CSMD3: variants seen among roughly 807,000 people sequenced by gnomAD.
CSMD3 encodes CUB and Sushi multiple domains 3, also known as CUB and sushi domain-containing protein 3.
CSMD3 carries 177 observed loss-of-function variants against 435.2 expected under a neutral mutation model. The observed-to-expected ratio is 0.41, with a 90% CI of 0.36 to 0.46. CSMD3 has a LOEUF of 0.46. Ranked by LOEUF, CSMD3 falls within the 20% of genes least tolerant of loss-of-function variation. CSMD3 has a pLI of 0.34. For synonymous variants in CSMD3, 1,656 were observed against 1,520.5 expected (o/e 1.09, Z -2.07); for missense variants, 4,265 against 4,504.6 (o/e 0.95, Z 1.52).
Position 112,327,795 on chromosome 8 carries a change from A to G in CSMD3, c.7165+7534T>C, listed in dbSNP as rs542828952. Among the ~76,000 whole-genome samples the G allele has an allele frequency of 2.1e-4, 32 of 152,304 alleles. No individual in the cohort carries two copies. The South Asian group carries it at 6.2e-3, about 30-fold the overall frequency. ...GTTCTCTGTTTTTGTCCAAATGTGC[A>G]TAGATATCTGGTTCCTCGTCCAACA... On this transcript the variant is annotated intron_variant, in intron 45 of 70. Coordinates refer to ENST00000297405, the MANE Select transcript of CSMD3 (RefSeq NM_198123.2).
At chr8:112,839,459 T>A (rs1427638880) in intron 11 of CSMD3, among the ~76,000 whole-genome samples, 1 of 151,800 alleles carries the variant, frequency 6.6e-6, no homozygotes, top group Non-Finnish European at 1.5e-5. Flanking sequence ...CATGCTTAGC[T>A]ACTGGAGGAT....
intron 5 of CSMD3, among the ~76,000 whole-genome samples, chr8:113,069,200 G>C (rs2088993721): frequency 6.6e-6 from 1 of 151,996 alleles, no homozygotes; most frequent in African/African-American, 2.4e-5. Context: ...TTTTAAACTT[G>C]GCACACACAA....
At chr8:113,198,167 T>G (rs1180329392) in intron 3 of CSMD3, among the ~76,000 whole-genome samples, 1 of 151,458 alleles carries the variant, frequency 6.6e-6, no homozygotes, top group Non-Finnish European at 1.5e-5. Flanking sequence ...ATTCTAGCTT[T>G]GCTTTTTATT....
At chr8:112,300,974 G>A (rs1820868258) in intron 53 of CSMD3, among the ~76,000 whole-genome samples, 1 of 152,002 alleles carries the variant, frequency 6.6e-6, no homozygotes, top group African/African-American at 2.4e-5. Flanking sequence ...ATGATAATCA[G>A]CAATTTTTAA....
chr8:112,357,491 C>G (rs1826732631), intron 38 of CSMD3, among the ~76,000 whole-genome samples: 1 of 152,002 alleles, frequency 6.6e-6, no homozygotes, highest in Non-Finnish European at 1.5e-5. Flanking sequence ...TTTGCATAAG[C>G]AATGAGGAGT....
At chr8:112,243,847 T>C (rs1237467591) in intron 65 of CSMD3, among the ~76,000 whole-genome samples, 1 of 152,022 alleles carries the variant, frequency 6.6e-6, no homozygotes, top group Non-Finnish European at 1.5e-5. Flanking sequence ...AGGACTGGTA[T>C]CCTCATAAGA....
intron 6 of CSMD3, among the ~76,000 whole-genome samples, chr8:113,005,369 G>A (rs1420552796): frequency 1.3e-5 from 2 of 151,926 alleles, no homozygotes; most frequent in African/African-American, 2.4e-5. Flanking sequence ...TTCACAATAT[G>A]TAAACTATGT....
chr8:112,864,987 T>A (rs2080936104), intron 10 of CSMD3, among the ~76,000 whole-genome samples: 1 of 152,198 alleles, frequency 6.6e-6, no homozygotes, highest in African/African-American at 2.4e-5. Flanking sequence ...TACAGTCCTG[T>A]TTGTGGAATA....
intron 38 of CSMD3, among the ~76,000 whole-genome samples, chr8:112,370,585 C>G (rs569375581): frequency 6.6e-6 from 1 of 152,224 alleles, no homozygotes; most frequent in Non-Finnish European, 1.5e-5. Flanking sequence ...TTCCCTAAAG[C>G]AGTATCTTCA....
chr8:112,261,201 G>A (rs1249296662), intron 61 of CSMD3, among the ~76,000 whole-genome samples: 1 of 151,946 alleles, frequency 6.6e-6, no homozygotes, highest in Non-Finnish European at 1.5e-5. Context: ...ATGCCAAAGT[G>A]CACCTAATAG....
At chr8:113,110,710 C>T (rs960218290) in intron 4 of CSMD3, among the ~76,000 whole-genome samples, 2 of 152,138 alleles carry the variant, frequency 1.3e-5, no homozygotes, top group Admixed American at 1.3e-4. Flanking sequence ...CAGCATGTAC[C>T]TCAAAACCCT....
chr8:112,685,293 G>A (rs2075985279), intron 15 of CSMD3, 113 bp downstream of exon 15: 1 of 814,164 alleles, frequency 1.2e-6, no homozygotes, highest in African/African-American at 1.7e-5. Context: ...GAGATTTACA[G>A]CTTTTACAAA....
chr8:112,488,428 T>C (rs1820353057), intron 31 of CSMD3, among the ~76,000 whole-genome samples: 1 of 152,020 alleles, frequency 6.6e-6, no homozygotes, highest in Non-Finnish European at 1.5e-5. Flanking sequence ...GTTCTAAGAG[T>C]CTGCAGAATA....
At chr8:113,160,574 G>C (rs1280472686) in intron 4 of CSMD3, among the ~76,000 whole-genome samples, 1 of 151,962 alleles carries the variant, frequency 6.6e-6, no homozygotes, top group Non-Finnish European at 1.5e-5. Flanking sequence ...TTGGTAGAAT[G>C]TCATTGTATA....
At chr8:112,424,126 T>C (rs1164257487) in intron 32 of CSMD3, among the ~76,000 whole-genome samples, 1 of 152,130 alleles carries the variant, frequency 6.6e-6, no homozygotes, top group Non-Finnish European at 1.5e-5. Context: ...TGTATCTGAA[T>C]GCAAAAGGAG....
intron 22 of CSMD3, 51 bp from the exon 23 acceptor site, chr8:112,587,286 T>G (rs747235056): frequency 7.5e-7 from 1 of 1,326,800 alleles, no homozygotes; most frequent in African/African-American, 1.4e-5. Context: ...AGCAGTATCA[T>G]TTTCAAGCAA....
At chr8:112,436,264 TA>T (rs1367452805) in intron 32 of CSMD3, among the ~76,000 whole-genome samples, 2 of 151,886 alleles carry the variant, frequency 1.3e-5, no homozygotes, top group Non-Finnish European at 2.9e-5. Flanking sequence ...AATTTCCATA[TA>T]AATGTATATT....
intron 27 of CSMD3, among the ~76,000 whole-genome samples, chr8:112,528,177 ATAT>A (rs1825170504): frequency 6.6e-6 from 1 of 152,180 alleles, no homozygotes; most frequent in Non-Finnish European, 1.5e-5. Flanking sequence ...TAGTGTGCAG[ATAT>A]TATTAGCAGT....
intron 5 of CSMD3, among the ~76,000 whole-genome samples, chr8:113,058,862 A>T (rs1587985042): frequency 6.6e-6 from 1 of 151,990 alleles, no homozygotes; most frequent in East Asian, 1.9e-4. Context: ...GCCACCTACT[A>T]AAAAAACCCA....
Sources: gnomAD v4.1 joint callset for allele counts (sites outside exome capture counted in the v4.1 genomes callset) on GRCh38, gnomAD v4.1.1 for gene constraint, MANE v1.5 for transcripts, NCBI Gene and HGNC (gene_info 2026-07-23, HGNC 2026-07-21) for gene names.